The following CA10 variants were observed in gnomAD, a reference collection of about 807,000 sequenced individuals.
The protein encoded by CA10 is carbonic anhydrase 10 (inactive), also known as carbonic anhydrase-related protein 10.
In CA10, 14 loss-of-function variants were observed where a neutral mutation model predicts 44.2. That is an observed-to-expected ratio of 0.32 (90% confidence interval 0.21 to 0.50). The LOEUF (loss-of-function observed/expected upper bound fraction) is 0.50, where lower values mean the gene tolerates loss of function less well. CA10 is among the 20% of genes least tolerant of loss of function. CA10 has a pLI of 0.99. For synonymous variants in CA10, 159 were observed against 141.6 expected (o/e 1.12, Z -0.87); for missense variants, 350 against 409.7 (o/e 0.85, Z 1.26).
intron 4 of CA10, among the ~76,000 whole-genome samples, chr17:51,702,200 T>C (rs1431510021): frequency 6.6e-6 from 1 of 152,208 alleles, no homozygotes; most frequent in African/African-American, 2.4e-5. Flanking sequence ...CCTTTGAACC[T>C]CACAGCACTG....
At chr17:52,106,249 C>T (rs929039639) in intron 1 of CA10, among the ~76,000 whole-genome samples, 8 of 152,198 alleles carry the variant, frequency 5.3e-5, no homozygotes, top group Admixed American at 3.9e-4. Context: ...TTCCTGACCA[C>T]GGGGCCATTC....
chr17:51,855,954 A>G (rs1180114476), intron 3 of CA10, among the ~76,000 whole-genome samples: 1 of 152,026 alleles, frequency 6.6e-6, no homozygotes, highest in East Asian at 1.9e-4. Context: ...TGGCTGATTC[A>G]CCTTTGGACT....
At chr17:51,929,041 G>A (rs1340605049) in intron 3 of CA10, among the ~76,000 whole-genome samples, 1 of 151,974 alleles carries the variant, frequency 6.6e-6, no homozygotes, top group Admixed American at 6.6e-5. Context: ...AAACTCCAAT[G>A]CATTTGAAAA....
chr17:52,007,293 ATATCT>A (rs774125023), intron 2 of CA10, among the ~76,000 whole-genome samples: 1 of 151,572 alleles, frequency 6.6e-6, no homozygotes. Flanking sequence ...GTAGCCTTGA[ATATCT>A]TATATCTTAC....
At chr17:51,734,189 G>GCTCCAAT (rs1175617647) in intron 4 of CA10, among the ~76,000 whole-genome samples, 90 of 132,954 alleles carry the variant, frequency 6.8e-4, no homozygotes, top group African/African-American at 2.4e-3. Flanking sequence ...GGGGGGGGGG[G>GCTCCAAT]GTTCCAATGT....
chr17:52,013,523 TGAA>T (rs893757003), intron 2 of CA10, among the ~76,000 whole-genome samples: 4 of 151,942 alleles, frequency 2.6e-5, no homozygotes, highest in African/African-American at 9.6e-5. Flanking sequence ...AAAACAGATG[TGAA>T]GAAGCCACAT....
At chr17:51,646,569 T>G (rs4389183) in intron 6 of CA10, among the ~76,000 whole-genome samples, 142,491 of 152,088 alleles carry the variant, frequency 0.94, 67,184 homozygotes, top group Non-Finnish European at 0.99. Context: ...CCCCTGAGTT[T>G]TCTTCATCTT....
intron 3 of CA10, among the ~76,000 whole-genome samples, chr17:51,915,769 AT>A (rs1445829002): frequency 6.6e-6 from 1 of 151,994 alleles, no homozygotes; most frequent in East Asian, 1.9e-4. Flanking sequence ...TTAGCAGTTC[AT>A]TTTTTATATC....
At chr17:51,909,272 T>C (rs928420459) in intron 3 of CA10, among the ~76,000 whole-genome samples, 1 of 152,164 alleles carries the variant, frequency 6.6e-6, no homozygotes, top group Non-Finnish European at 1.5e-5. Flanking sequence ...CATCCCTGGT[T>C]CTGTAGAATT....
intron 3 of CA10, among the ~76,000 whole-genome samples, chr17:51,849,811 G>A (rs910633033): frequency 3.3e-5 from 5 of 152,144 alleles, no homozygotes; most frequent in African/African-American, 9.7e-5. Context: ...TATCACAGCC[G>A]CTGTCATGCC....
At chr17:51,645,117 A>G (rs1913268112) in intron 6 of CA10, among the ~76,000 whole-genome samples, 1 of 152,026 alleles carries the variant, frequency 6.6e-6, no homozygotes, top group Non-Finnish European at 1.5e-5. Context: ...TCTTTAAAAT[A>G]TATCCAATTA....
intron 3 of CA10, among the ~76,000 whole-genome samples, chr17:51,902,201 G>C (rs991281296): frequency 6.6e-6 from 1 of 152,080 alleles, no homozygotes; most frequent in Non-Finnish European, 1.5e-5. Flanking sequence ...TTGGGGCCTC[G>C]AGAAAACCTA....
At chr17:51,733,288 G>C (rs1290426294) in intron 4 of CA10, among the ~76,000 whole-genome samples, 1 of 152,186 alleles carries the variant, frequency 6.6e-6, no homozygotes, top group African/African-American at 2.4e-5. Flanking sequence ...CAGGGAATTA[G>C]ATGAATTAAA....
At chr17:52,032,648 A>G (rs1390455866) in intron 2 of CA10, among the ~76,000 whole-genome samples, 1 of 152,180 alleles carries the variant, frequency 6.6e-6, no homozygotes, top group Non-Finnish European at 1.5e-5. Flanking sequence ...CCATGAAAAG[A>G]GAATAAAATA....
chr17:51,875,151 T>G (rs1239597712), intron 3 of CA10, among the ~76,000 whole-genome samples: 1 of 151,974 alleles, frequency 6.6e-6, no homozygotes, highest in African/African-American at 2.4e-5. Flanking sequence ...TTTCTAAATG[T>G]TTTTTAGAGA....
chr17:51,790,579 A>T (rs899607907), intron 3 of CA10, among the ~76,000 whole-genome samples: 6 of 152,198 alleles, frequency 3.9e-5, no homozygotes, highest in African/African-American at 1.4e-4. Context: ...TTTGCCTGCA[A>T]ATGCAAGCAG....
intron 4 of CA10, among the ~76,000 whole-genome samples, chr17:51,717,831 A>ATG (rs1483566180): frequency 4.2e-5 from 2 of 47,268 alleles, no homozygotes; most frequent in Non-Finnish European, 7.2e-5. Context: ...ATGTGTGTGT[A>ATG]TATATATATA....
chr17:51,667,482 G>C (rs1914251755), intron 4 of CA10, among the ~76,000 whole-genome samples: 1 of 152,074 alleles, frequency 6.6e-6, no homozygotes, highest in Admixed American at 6.5e-5. Context: ...CAGATGGAGG[G>C]CTGTGGCTAG....
At chr17:51,716,453 A>G (rs1916117047) in intron 4 of CA10, among the ~76,000 whole-genome samples, 1 of 152,070 alleles carries the variant, frequency 6.6e-6, no homozygotes, top group Non-Finnish European at 1.5e-5. Context: ...GGCCTCGAAA[A>G]ATGATATTTA....
Sources: allele counts gnomAD v4.1 joint callset (sites outside exome capture counted in the v4.1 genomes callset), GRCh38; gene constraint gnomAD v4.1.1; transcripts MANE v1.5; gene names NCBI Gene and HGNC (gene_info 2026-07-23, HGNC 2026-07-21).